TNRC18: variants seen among roughly 807,000 people sequenced by gnomAD.
TNRC18 encodes trinucleotide repeat-containing gene 18 protein.
TNRC18 carries 69 observed loss-of-function variants against 226.7 expected under a neutral mutation model. That is an observed-to-expected ratio of 0.30 (90% CI 0.25 to 0.37). The LOEUF is 0.37. Ranked by LOEUF, TNRC18 falls within the 10% of genes least tolerant of loss-of-function variation. The pLI is 1.00. For synonymous variants in TNRC18, 2,449 were observed against 1,927.6 expected, an observed-to-expected ratio of 1.27 and a Z score of -7.09; for missense variants, 4,754 against 4,256.6, an observed-to-expected ratio of 1.12 and a Z score of -3.25.
intron 2 of TNRC18, among the ~76,000 whole-genome samples, chr7:5,406,775 C>T (rs1364692795): frequency 2.7e-5 from 4 of 150,284 alleles, no homozygotes; most frequent in African/African-American, 9.9e-5. Flanking sequence ...CACTTGAACC[C>T]AGGAGGCAGA....
chr7:5,412,933 A>G (rs1444355626), intron 2 of TNRC18, among the ~76,000 whole-genome samples: 2 of 152,158 alleles, frequency 1.3e-5, no homozygotes, highest in African/African-American at 2.4e-5. Flanking sequence ...TGCTGAGTAC[A>G]CTGGTGGCCT....
chr7:5,411,067 G>A (rs1584111991), intron 2 of TNRC18, among the ~76,000 whole-genome samples: 2 of 151,660 alleles, frequency 1.3e-5, no homozygotes, highest in African/African-American at 4.8e-5. Flanking sequence ...AATTACCCGG[G>A]CATGGTGGCA....
Position 5,388,834 on chromosome 7 carries a change from G to A in TNRC18, c.990C>T (p.Pro330=), listed in dbSNP as rs1780035621. ...GCGGCGGGGGCAGCGGTGAGGGGCAGGGGCGCGGCCCAGGGAGCAGGGTCT... is the reference window on the plus strand; with the variant it reads ...GCGGCGGGGGCAGCGGTGAGGGGCAAGGGCGCGGCCCAGGGAGCAGGGTCT... ...RTETLLPGPR[P]CPSPLPPPPA... The change falls in exon 5 of 30, where the codon CCC becomes CCT. Residue 330 remains proline, a synonymous_variant. Transcript: ENST00000430969. 4 of 1,204,082 alleles carry A rather than the reference G, an allele frequency of 3.3e-6. No individual in the cohort carries two copies. Among genetic ancestry groups the A allele is most frequent in the African/African-American group, 1.6e-5 (1 of 60,872 alleles). 74.6% of individuals were successfully genotyped at this position (1,204,082 alleles called of 1,614,324 possible). A position where few individuals can be genotyped will look rare whatever the true frequency, so the allele number is the denominator to read the frequency against.
chr7:5,306,876 A>T lies in TNRC18; in HGVS notation c.*1230T>A, dbSNP rs73673110. The T allele has an allele frequency of 2.3e-5, 2 of 88,244 alleles. No individual in the cohort carries two copies. The highest frequency in any genetic ancestry group is 4.6e-4 in the East Asian group (1 of 2,192). 5.5% of individuals were successfully genotyped at this position (88,244 alleles called of 1,614,324 possible). ...CAACAAACAAAATTCCAAAAGAAAC[A>T]TAAAAAAAAAAACCAATAATTCCCC... On this transcript the variant is annotated 3_prime_UTR_variant, in exon 30 of 30. Transcript: ENST00000430969.
In TNRC18 at chr7:5,376,946, G is replaced by A; in HGVS notation, c.2509C>T (p.Pro837Ser). The change falls in exon 8 of 30, where the codon CCT (proline) becomes TCT (serine). Residue 837 changes from proline to serine, a missense_variant. By Grantham distance (74) the Pro-to-Ser change is moderately conservative. Transcript: ENST00000430969. ...GACGGGAGGGAGCCCCCCAGGCCAGGTGGGAACGCAGGGGCCATGCCCTGG... is the reference window on the plus strand; with the variant it reads ...GACGGGAGGGAGCCCCCCAGGCCAGATGGGAACGCAGGGGCCATGCCCTGG... ...LHQGMAPAFP[P>S]GLGGSLPSAY... The A allele has an allele frequency of 1.9e-6, 3 of 1,594,818 alleles. No individual in the cohort carries two copies. Among genetic ancestry groups the A allele is most frequent in the Non-Finnish European group, 2.6e-6 (3 of 1,171,000 alleles).
intron 2 of TNRC18, among the ~76,000 whole-genome samples, chr7:5,412,118 G>A (rs773492878): frequency 6.6e-6 from 1 of 152,036 alleles, no homozygotes; most frequent in Non-Finnish European, 1.5e-5. Flanking sequence ...GAGCCCAGGA[G>A]GTTGAGGCTG....
chr7:5,328,028 C>T (rs1481938386), intron 19 of TNRC18, among the ~76,000 whole-genome samples: 1 of 151,838 alleles, frequency 6.6e-6, no homozygotes, highest in Non-Finnish European at 1.5e-5. Flanking sequence ...TCGAGACCAG[C>T]CCAGCCAACA....
intron 16 of TNRC18, 79 bp downstream of exon 16, chr7:5,356,837 G>T: frequency 7.0e-7 from 1 of 1,433,784 alleles, no homozygotes. Flanking sequence ...GGGCGGGGGG[G>T]GAAGGAGGAC....
chr7:5,377,592 T>G lies in TNRC18; in HGVS notation c.2256-16A>C, dbSNP rs774293810. 1 of 1,563,654 alleles carries G rather than the reference T, an allele frequency of 6.4e-7. No homozygotes were observed. Among genetic ancestry groups the G allele is most frequent in the Admixed American group, 1.9e-5 (1 of 52,252 alleles). ...CTTACTCTCTCTGGAAGGAGGATCATAGGTGTCAGCGACAGCTCGGACAGC... is the reference window on the plus strand; with the variant it reads ...CTTACTCTCTCTGGAAGGAGGATCAGAGGTGTCAGCGACAGCTCGGACAGC... On this transcript the variant is annotated splice_polypyrimidine_tract_variant and intron_variant, in intron 6 of 29. Coordinates refer to ENST00000430969, the MANE Select transcript of TNRC18 (RefSeq NM_001080495.3). The surrounding 1 kb of genome is among the most constrained non-coding windows in gnomAD (Gnocchi z 5.8).
intron 9 of TNRC18, 29 bp downstream of exon 9, chr7:5,376,005 G>A (rs1794635909): frequency 1.3e-6 from 2 of 1,563,032 alleles, no homozygotes; most frequent in Admixed American, 1.9e-5. Context: ...GCCCCCAGAG[G>A]GAGCTGCGCC....
chr7:5,345,040 C>T (rs190096766), intron 18 of TNRC18, among the ~76,000 whole-genome samples: 36 of 152,300 alleles, frequency 2.4e-4, no homozygotes, highest in Admixed American at 2.1e-3. Context: ...CAGGCTCAAG[C>T]CCAGGCCACA....
In TNRC18 at chr7:5,312,959, A is replaced by G. The variant is rs1239137076; in HGVS notation, c.7932T>C (p.Ser2644=). Residue 2644 remains serine, a synonymous_variant, in exon 27 of 30, where the codon TCT becomes TCC. Transcript: ENST00000430969. This position sits in a 1 kb window ranked among gnomAD's most constrained non-coding sequence, Gnocchi z 6.3. ...SSSSSSSSSS[S]SSSSSSSSSS... is the part of the protein sequence containing the mutation. ...AGGAGGAGGAAGAGGAGGAAGACGAAGAGGAAGAGGAGGAGGAGGAAGAGG... is the reference window on the plus strand; with the variant it reads ...AGGAGGAGGAAGAGGAGGAAGACGAGGAGGAAGAGGAGGAGGAGGAAGAGG... 11 of 1,206,032 alleles carry G rather than the reference A, an allele frequency of 9.1e-6. No homozygotes were observed. The highest frequency in any genetic ancestry group is 8.4e-5 in the East Asian group (3 of 35,822). The allele number at this position is 1,206,032 out of a possible 1,614,324, so 74.7% of individuals were successfully genotyped here. A position where few individuals can be genotyped will look rare whatever the true frequency, so the allele number is the denominator to read the frequency against.
rs532623146 is a variant in TNRC18, at chr7:5,363,318, A to C, written c.4220-493T>G. ...ACTCCATCTCAAAAAAAATAAATAA[A>C]TAGGCCAGGCGTGGTGGCTCACGCC... On this transcript the variant is annotated intron_variant, in intron 11 of 29. Transcript: ENST00000430969. 1.1e-4 allele frequency among the ~76,000 whole-genome samples: 14 copies of C among 128,610 alleles called. No homozygotes were observed. The East Asian group carries it at 3.4e-3, about 32-fold the overall frequency. 84.4% of individuals were successfully genotyped at this position (128,610 alleles called of 152,430 possible). A position where few individuals can be genotyped will look rare whatever the true frequency, so the allele number is the denominator to read the frequency against.
At chr7:5,368,148 G>A (rs1793792470) in intron 11 of TNRC18, among the ~76,000 whole-genome samples, 1 of 152,024 alleles carries the variant, frequency 6.6e-6, no homozygotes, top group African/African-American at 2.4e-5. Flanking sequence ...GCAGAAAGTT[G>A]GGCAGTCCCT....
intron 2 of TNRC18, among the ~76,000 whole-genome samples, chr7:5,416,242 G>A (rs941215821): frequency 4.6e-5 from 7 of 151,710 alleles, no homozygotes; most frequent in South Asian, 2.1e-4. Context: ...GTGAAACCCC[G>A]TCTGTACTAA....
rs112109225 is a variant in TNRC18 at position 5,311,028 on chromosome 7, G to A, written c.8388+1475C>T. ...CATGTATGTGCCTACGTTTGTGTACGTGTGCAAGTGTGCATTTGTGTGGGT... is the reference window on the plus strand; with the variant it reads ...CATGTATGTGCCTACGTTTGTGTACATGTGCAAGTGTGCATTTGTGTGGGT... On this transcript the variant is annotated intron_variant, in intron 27 of 29. Transcript: ENST00000430969. 5.9e-5 allele frequency among the ~76,000 whole-genome samples: 9 copies of A among 152,356 alleles called. 1 individual carries two copies. Among genetic ancestry groups the A allele is most frequent in the African/African-American group, 1.4e-4 (6 of 41,562 alleles).
chr7:5,353,397 G>A (rs1205199084), intron 16 of TNRC18, among the ~76,000 whole-genome samples: 3 of 151,934 alleles, frequency 2.0e-5, no homozygotes, highest in Non-Finnish European at 4.4e-5. Flanking sequence ...ACAAACTGTT[G>A]TATTTTCTAT....
At position 5,391,562 on chromosome 7, in the gene TNRC18, C is replaced by T. The variant is rs982533034; in HGVS notation, c.344-934G>A. ...CCGGCTTCAAGTGATCCACCCACCTCAGCCTCCCAAAGTGCTGGGATTACA... is the reference window on the plus strand; with the variant it reads ...CCGGCTTCAAGTGATCCACCCACCTTAGCCTCCCAAAGTGCTGGGATTACA... On this transcript the variant is annotated intron_variant, in intron 3 of 29. Transcript: ENST00000430969. Among the ~76,000 whole-genome samples, 5 of 152,026 alleles carry T rather than the reference C, an allele frequency of 3.3e-5. No homozygotes were observed. In the East Asian group the frequency reaches 7.8e-4, roughly 24 times the overall value.
At chr7:5,372,251 G>A (rs1003745864) in intron 10 of TNRC18, among the ~76,000 whole-genome samples, 5 of 128,184 alleles carry the variant, frequency 3.9e-5, no homozygotes, top group African/African-American at 1.2e-4. Flanking sequence ...TTTTTTTTTT[G>A]TATTTTTAGT....
Sources: gnomAD v4.1 joint callset for allele counts (sites outside exome capture counted in the v4.1 genomes callset) on GRCh38, gnomAD v4.1.1 for gene constraint, Gnocchi (gnomAD v3.1) non-coding constraint, MANE v1.5 for transcripts, NCBI Gene and HGNC (gene_info 2026-07-23, HGNC 2026-07-21) for gene names.